The following WDR25 variants were observed in gnomAD, a reference collection of about 807,000 sequenced individuals.
The protein encoded by WDR25 is WD repeat domain 25.
In WDR25, 35 loss-of-function variants were observed where a neutral mutation model predicts 47.7. The ratio of observed to expected loss-of-function variants is 0.73; its 90% CI spans 0.56 to 0.97. The LOEUF (loss-of-function observed/expected upper bound fraction) is 0.97. WDR25 is among the 50% of genes least tolerant of loss of function. WDR25 has a pLI of 0.00. For missense variants in WDR25, 634 were observed against 704.7 expected, an observed-to-expected ratio of 0.90 and a Z score of 1.14; for synonymous variants, 248 against 278.9, an observed-to-expected ratio of 0.89 and a Z score of 1.10.
intron 2 of WDR25, among the ~76,000 whole-genome samples, chr14:100,442,673 C>T (rs1353427151): frequency 6.6e-6 from 1 of 152,150 alleles, no homozygotes; most frequent in Non-Finnish European, 1.5e-5. Flanking sequence ...TAAAAGTATG[C>T]AGTTTGTAAA....
intron 1 of WDR25, among the ~76,000 whole-genome samples, chr14:100,379,917 T>C (rs1896836602): frequency 6.6e-6 from 1 of 151,136 alleles, no homozygotes; most frequent in South Asian, 2.1e-4. Context: ...AATTTTTGTA[T>C]TTTTAGTAGA....
At position 100,381,650 on chromosome 14, in the gene WDR25, G is replaced by A. The variant is rs754841088; in HGVS notation, c.726G>A (p.Leu242=). 2.0e-5 allele frequency: 33 copies of A among 1,614,094 alleles called. No individual in the cohort carries two copies. The highest frequency in any genetic ancestry group is 2.6e-5 in the Non-Finnish European group (31 of 1,180,050). Residue 242 remains leucine (L), a synonymous_variant, in exon 2 of 7, where the codon CTG becomes CTA. Coordinates refer to ENST00000402312, the MANE Select transcript of WDR25 (RefSeq NM_001161476.3). ...TTVPRKVLFH[L]RGHRGPVNTI... The stretch of plus-strand genomic sequence containing the variant: ...TTCCCCGGAAAGTGCTTTTCCACCT[G>A]AGAGGCCACAGGGGCCCTGTCAACA...
chr14:100,448,265 T>C (rs1898906353), intron 2 of WDR25, among the ~76,000 whole-genome samples: 1 of 151,416 alleles, frequency 6.6e-6, no homozygotes, highest in African/African-American at 2.4e-5. Flanking sequence ...GGATGCCAGA[T>C]TGTACATTCA....
chr14:100,482,616 T>C (rs968817704), intron 3 of WDR25, among the ~76,000 whole-genome samples: 1 of 151,656 alleles, frequency 6.6e-6, no homozygotes, highest in African/African-American at 2.4e-5. Context: ...GCTGGGACTG[T>C]CATGAGTACT....
At chr14:100,383,675 C>G (rs1896956102) in intron 2 of WDR25, among the ~76,000 whole-genome samples, 2 of 152,224 alleles carry the variant, frequency 1.3e-5, no homozygotes. Flanking sequence ...ATTTAGATTT[C>G]CTAAACAGAA....
intron 2 of WDR25, among the ~76,000 whole-genome samples, chr14:100,384,479 T>C (rs1896975333): frequency 6.6e-6 from 1 of 152,230 alleles, no homozygotes; most frequent in Non-Finnish European, 1.5e-5. Context: ...GGCCTCAGGC[T>C]TGCTGGGCCA....
chr14:100,402,571 G>C (rs866409938), intron 2 of WDR25, among the ~76,000 whole-genome samples: 1 of 152,090 alleles, frequency 6.6e-6, no homozygotes, highest in Admixed American at 6.5e-5. Context: ...CTGAGCCCTC[G>C]GCAGGCCAGG....
chr14:100,453,921 G>A (rs1899120394), intron 2 of WDR25, among the ~76,000 whole-genome samples: 1 of 152,132 alleles, frequency 6.6e-6, no homozygotes, highest in Non-Finnish European at 1.5e-5. Flanking sequence ...TAATTTCTTG[G>A]AATTCTCTGT....
chr14:100,529,101 C>A lies in WDR25; in HGVS notation c.1306C>A (p.Pro436Thr). ...RFTCPSLALH[P>T]REPVFLAQTN... The stretch of plus-strand genomic sequence containing the variant: ...CACCTGCCCCAGCCTCGCCTTGCAC[C>A]CGAGAGAGCCCGTGTTCCTGGCACA... The change falls in exon 6 of 7, where the codon CCG becomes ACG. Residue 436 changes from proline to threonine, a missense_variant. Transcript: ENST00000402312. This position sits in a 1 kb window ranked among gnomAD's most constrained non-coding sequence, Gnocchi z 5.1. 1.9e-6 allele frequency: 3 copies of A among 1,573,018 alleles called. No individual in the cohort carries two copies. Among genetic ancestry groups the A allele is most frequent in the South Asian group, 2.3e-5 (2 of 87,418 alleles).
chr14:100,399,875 C>T (rs185994177), intron 2 of WDR25, among the ~76,000 whole-genome samples: 1 of 152,292 alleles, frequency 6.6e-6, no homozygotes, highest in African/African-American at 2.4e-5. Context: ...GTGAAAAAGA[C>T]TTACTTGAAT....
chr14:100,439,754 A>G (rs575891064), intron 2 of WDR25, among the ~76,000 whole-genome samples: 1 of 152,330 alleles, frequency 6.6e-6, no homozygotes, highest in East Asian at 1.9e-4. Context: ...TAAAATGAAT[A>G]CTAGAAACAG....
At chr14:100,519,963 G>GTA (rs1320448626) in intron 4 of WDR25, among the ~76,000 whole-genome samples, 14 of 140,664 alleles carry the variant, frequency 1.0e-4, no homozygotes, top group Middle Eastern at 7.8e-3. Context: ...TGTGTATATA[G>GTA]TATATATATG....
chr14:100,456,345 A>G (rs1899202760), intron 2 of WDR25, among the ~76,000 whole-genome samples: 1 of 152,204 alleles, frequency 6.6e-6, no homozygotes, highest in African/African-American at 2.4e-5. Flanking sequence ...TACTGTGTCT[A>G]GTATCCAAAT....
At chr14:100,474,616 C>T (rs1035750366) in intron 3 of WDR25, among the ~76,000 whole-genome samples, 1 of 152,174 alleles carries the variant, frequency 6.6e-6, no homozygotes, top group African/African-American at 2.4e-5. Context: ...AACCAACTTA[C>T]TAGTAAAGCA....
In WDR25 at chr14:100,468,945, T is replaced by C. The variant is rs1215910599; in HGVS notation, c.970+777T>C. ...TCCCTCTATGTTCTCTTTCTTTTCT[T>C]TCTTTCCTTTTTAAAAATGTTTTAT... On this transcript the variant is annotated intron_variant, in intron 3 of 6. Transcript: ENST00000402312. The surrounding 1 kb of genome is among the most constrained non-coding windows in gnomAD (Gnocchi z 4.5). Among the ~76,000 whole-genome samples, 1 of 152,046 alleles carries C rather than the reference T, an allele frequency of 6.6e-6. No individual in the cohort carries two copies.
chr14:100,415,066 G>T (rs1052923553), intron 2 of WDR25, among the ~76,000 whole-genome samples: 1 of 152,158 alleles, frequency 6.6e-6, no homozygotes, highest in Non-Finnish European at 1.5e-5. Context: ...GAAGGGGCTA[G>T]CTCTCACGGA....
At chr14:100,478,574 C>T (rs1299049852) in intron 3 of WDR25, among the ~76,000 whole-genome samples, 1 of 152,144 alleles carries the variant, frequency 6.6e-6, no homozygotes, top group Admixed American at 6.5e-5. Context: ...AGTTTTGAAC[C>T]CTTTTAACAA....
At chr14:100,422,833 G>T (rs913321563) in intron 2 of WDR25, among the ~76,000 whole-genome samples, 1 of 152,180 alleles carries the variant, frequency 6.6e-6, no homozygotes, top group Non-Finnish European at 1.5e-5. Context: ...CTCCATCCTG[G>T]GGGTGGTGTT....
intron 2 of WDR25, among the ~76,000 whole-genome samples, chr14:100,442,024 T>C (rs1898686300): frequency 6.6e-6 from 1 of 152,168 alleles, no homozygotes. Flanking sequence ...TCCCAAGGGC[T>C]TCCTTTCAGC....
Sources: allele counts gnomAD v4.1 joint callset (sites outside exome capture counted in the v4.1 genomes callset), GRCh38; gene constraint gnomAD v4.1.1; non-coding constraint Gnocchi (gnomAD v3.1); transcripts MANE v1.5; gene names NCBI Gene and HGNC (gene_info 2026-07-23, HGNC 2026-07-21).